The following ITPK1 variants were observed in gnomAD, a reference collection of about 807,000 sequenced individuals.
ITPK1 encodes the protein inositol-tetrakisphosphate 1-kinase.
A neutral mutation model predicts 45.3 loss-of-function variants in ITPK1; 21 were observed. The ratio of observed to expected loss-of-function variants is 0.46; its 90% CI spans 0.33 to 0.67. The LOEUF (loss-of-function observed/expected upper bound fraction) is 0.67, where lower values mean the gene tolerates loss of function less well. Among genes scored for constraint, ITPK1 ranks in the 30% least tolerant of loss-of-function variants. The probability of loss-of-function intolerance (pLI) is 0.02; values close to 1 mark genes in which losing one functional copy is unlikely to be tolerated. For missense variants in ITPK1, 474 were observed against 573.5 expected (o/e 0.83, Z 1.77); for synonymous variants, 258 against 253.6 (o/e 1.02, Z -0.16).
intron 10 of ITPK1, among the ~76,000 whole-genome samples, chr14:92,945,345 T>A (rs1379429245): frequency 6.6e-6 from 1 of 152,208 alleles, no homozygotes; most frequent in East Asian, 1.9e-4. Flanking sequence ...ACACAGAAAG[T>A]GCCCAGCCAG....
chr14:92,973,071 G>A (rs796287265), intron 5 of ITPK1, among the ~76,000 whole-genome samples: 21 of 152,298 alleles, frequency 1.4e-4, no homozygotes, highest in African/African-American at 5.1e-4. Flanking sequence ...GCTGTCCCAT[G>A]CTGCTGCCTC....
At chr14:92,947,912 C>T (rs1221780994) in intron 9 of ITPK1, among the ~76,000 whole-genome samples, 1 of 152,208 alleles carries the variant, frequency 6.6e-6, no homozygotes, top group Non-Finnish European at 1.5e-5. Flanking sequence ...ATGCTGTCCA[C>T]CCACGCTCAC....
chr14:93,101,571 G>A (rs1892322172), intron 2 of ITPK1, among the ~76,000 whole-genome samples: 1 of 152,184 alleles, frequency 6.6e-6, no homozygotes, highest in Admixed American at 6.5e-5. Context: ...AGCCGAGGCC[G>A]GGCACGGTGG....
intron 4 of ITPK1, among the ~76,000 whole-genome samples, chr14:93,006,717 G>A (rs1458378052): frequency 1.3e-5 from 2 of 152,210 alleles, no homozygotes; most frequent in African/African-American, 4.8e-5. Context: ...AGAGCCAGCA[G>A]GAAGACCCAT....
Position 92,941,031 on chromosome 14 carries a change from C to T in ITPK1, c.*530G>A. 4.8e-6 allele frequency: 6 copies of T among 1,241,500 alleles called. No individual in the cohort carries two copies. In the East Asian group the frequency reaches 1.7e-4, roughly 35 times the overall value. 76.9% of individuals were successfully genotyped at this position (1,241,500 alleles called of 1,614,324 possible). A position where few individuals can be genotyped will look rare whatever the true frequency, so the allele number is the denominator to read the frequency against. On this transcript the variant is annotated 3_prime_UTR_variant, in exon 11 of 11. Coordinates refer to ENST00000267615, the MANE Select transcript of ITPK1 (RefSeq NM_014216.6). ...AGGGAGGGGTTAGCTGCACACCAGGCAGGGTGGGGGCTAACAAAGCCTTGG... is the reference window on the plus strand; with the variant it reads ...AGGGAGGGGTTAGCTGCACACCAGGTAGGGTGGGGGCTAACAAAGCCTTGG...
chr14:93,003,766 G>T (rs1204361806), intron 4 of ITPK1, among the ~76,000 whole-genome samples: 1 of 152,190 alleles, frequency 6.6e-6, no homozygotes, highest in African/African-American at 2.4e-5. Flanking sequence ...GCTACACCTG[G>T]CTAACTTAAC....
intron 3 of ITPK1, among the ~76,000 whole-genome samples, chr14:93,037,861 T>G (rs1889385975): frequency 6.6e-6 from 1 of 152,238 alleles, no homozygotes; most frequent in African/African-American, 2.4e-5. Context: ...TGTTTATATC[T>G]CCAGTTATTT....
chr14:92,943,896 C>T (rs900182957), intron 10 of ITPK1, among the ~76,000 whole-genome samples: 14 of 152,202 alleles, frequency 9.2e-5, no homozygotes, highest in South Asian at 2.1e-4. Context: ...AGGCAAGATT[C>T]GAACCCATGG....
chr14:92,965,692 C>CT (rs1328344197), intron 5 of ITPK1, among the ~76,000 whole-genome samples: 1 of 152,190 alleles, frequency 6.6e-6, no homozygotes, highest in African/African-American at 2.4e-5. Flanking sequence ...AGCAACTGTA[C>CT]TTTTTTAATT....
chr14:92,998,499 T>C (rs913234940), intron 4 of ITPK1, among the ~76,000 whole-genome samples: 6 of 152,252 alleles, frequency 3.9e-5, no homozygotes, highest in East Asian at 1.9e-4. Flanking sequence ...ACAGATTAAA[T>C]AGGAATCTGG....
chr14:93,079,211 C>T (rs1891345186), intron 2 of ITPK1, among the ~76,000 whole-genome samples: 1 of 152,210 alleles, frequency 6.6e-6, no homozygotes, highest in Non-Finnish European at 1.5e-5. Context: ...GAGAAAAGAT[C>T]GGCTGCAATC....
At chr14:92,979,544 G>A (rs1595105788) in intron 5 of ITPK1, among the ~76,000 whole-genome samples, 1 of 152,154 alleles carries the variant, frequency 6.6e-6, no homozygotes, top group East Asian at 1.9e-4. Context: ...GGTGGGAGGT[G>A]ATTGGATCAT....
At chr14:93,114,781 A>G (rs531939458) in intron 2 of ITPK1, among the ~76,000 whole-genome samples, 3 of 152,104 alleles carry the variant, frequency 2.0e-5, no homozygotes, top group Non-Finnish European at 4.4e-5. Flanking sequence ...AACCCTCAGT[A>G]GAACTCCCAC....
At chr14:92,957,748 G>A (rs1884819874) in intron 8 of ITPK1, among the ~76,000 whole-genome samples, 1 of 152,228 alleles carries the variant, frequency 6.6e-6, no homozygotes, top group Non-Finnish European at 1.5e-5. Context: ...GTAGCAGCAG[G>A]CAACTCTGTC....
chr14:92,965,853 A>C (rs897353116), intron 5 of ITPK1, among the ~76,000 whole-genome samples: 8 of 152,180 alleles, frequency 5.3e-5, no homozygotes, highest in Non-Finnish European at 1.2e-4. Flanking sequence ...AAAATACAAA[A>C]TTAGCCAGGC....
intron 4 of ITPK1, among the ~76,000 whole-genome samples, chr14:93,008,500 G>C (rs1262464763): frequency 1.3e-5 from 2 of 152,230 alleles, no homozygotes; most frequent in Non-Finnish European, 2.9e-5. Context: ...TAGGGGCCAG[G>C]GCCAGATCCA....
At chr14:93,085,999 C>T (rs868036376) in intron 2 of ITPK1, among the ~76,000 whole-genome samples, 23 of 152,220 alleles carry the variant, frequency 1.5e-4, no homozygotes, top group African/African-American at 5.5e-4. Context: ...CCCCCTCCTC[C>T]GTCAGCCAGC....
At chr14:93,023,055 T>C (rs1429890348) in intron 3 of ITPK1, among the ~76,000 whole-genome samples, 1 of 151,894 alleles carries the variant, frequency 6.6e-6, no homozygotes, top group African/African-American at 2.4e-5. Flanking sequence ...TTGTTTGTTT[T>C]GTAGAGATGT....
At chr14:92,959,121 TGGTAGGGGCTGG>T (rs557779233) in intron 7 of ITPK1, among the ~76,000 whole-genome samples, 153 of 152,294 alleles carry the variant, frequency 1.0e-3, no homozygotes, top group African/African-American at 3.5e-3. Flanking sequence ...CAGGAGGATC[TGGTAGGGGCTGG>T]GGTAGGGAGT....
Sources: gnomAD v4.1 joint callset for allele counts (sites outside exome capture counted in the v4.1 genomes callset) on GRCh38, gnomAD v4.1.1 for gene constraint, MANE v1.5 for transcripts, NCBI Gene and HGNC (gene_info 2026-07-23, HGNC 2026-07-21) for gene names.